The following CSMD1 variants were observed in gnomAD, a reference collection of about 807,000 sequenced individuals.
The protein encoded by CSMD1 is CUB and sushi domain-containing protein 1.
A neutral mutation model predicts 417.5 loss-of-function variants in CSMD1; 213 were observed. That is an observed-to-expected ratio of 0.51 (90% CI 0.46 to 0.57). The LOEUF (loss-of-function observed/expected upper bound fraction) is 0.57, where lower values mean the gene tolerates loss of function less well. Ranked by LOEUF, CSMD1 falls within the 20% of genes least tolerant of loss-of-function variation. The pLI, the probability that CSMD1 is intolerant of heterozygous loss-of-function variation, is 0.00. For missense variants in CSMD1, 6,923 were observed against 4,529.7 expected, an observed-to-expected ratio of 1.53 and a Z score of -15.17; for synonymous variants, 2,862 against 1,736.8, an observed-to-expected ratio of 1.65 and a Z score of -16.11.
chr8:3,676,413 C>T (rs947181416), intron 7 of CSMD1, among the ~76,000 whole-genome samples: 3 of 152,152 alleles, frequency 2.0e-5, no homozygotes, highest in African/African-American at 2.4e-5. Context: ...ATGCTGGACA[C>T]GCCACAGGCA....
chr8:3,934,562 T>C (rs1027785679), intron 5 of CSMD1, among the ~76,000 whole-genome samples: 1 of 152,064 alleles, frequency 6.6e-6, no homozygotes, highest in Non-Finnish European at 1.5e-5. Context: ...GGTTAAACAA[T>C]TGGTATATTT....
chr8:4,177,952 A>G (rs1385454698), intron 3 of CSMD1, among the ~76,000 whole-genome samples: 2 of 152,180 alleles, frequency 1.3e-5, no homozygotes, highest in African/African-American at 2.4e-5. Flanking sequence ...CTTATCAACC[A>G]AAAAGAGTCC....
At chr8:4,203,097 G>C (rs1007479299) in intron 3 of CSMD1, among the ~76,000 whole-genome samples, 3 of 152,216 alleles carry the variant, frequency 2.0e-5, no homozygotes, top group Non-Finnish European at 4.4e-5. Context: ...GCAGTTATCT[G>C]TGTGGGTTCC....
chr8:3,262,171 T>C (rs1001886007), intron 26 of CSMD1, among the ~76,000 whole-genome samples: 3 of 119,626 alleles, frequency 2.5e-5, no homozygotes, highest in African/African-American at 1.0e-4. Flanking sequence ...ATTTCTAAAA[T>C]TATGCTCATA....
intron 1 of CSMD1, among the ~76,000 whole-genome samples, chr8:4,796,372 T>C (rs1797983623): frequency 6.6e-6 from 1 of 151,870 alleles, no homozygotes; most frequent in South Asian, 2.1e-4. Context: ...CTTTATAAAG[T>C]TTATTCCTGA....
At chr8:4,579,466 C>G (rs1439369251) in intron 2 of CSMD1, among the ~76,000 whole-genome samples, 1 of 151,948 alleles carries the variant, frequency 6.6e-6, no homozygotes, top group Non-Finnish European at 1.5e-5. Context: ...TCAAGTAATT[C>G]TCCTGCCTCC....
At chr8:4,058,142 G>C (rs1019805771) in intron 3 of CSMD1, among the ~76,000 whole-genome samples, 6 of 152,076 alleles carry the variant, frequency 3.9e-5, no homozygotes, top group Non-Finnish European at 7.4e-5. Flanking sequence ...CCATTTTCAC[G>C]ATATTGACTC....
intron 3 of CSMD1, among the ~76,000 whole-genome samples, chr8:4,404,003 T>G (rs1183240081): frequency 1.3e-5 from 2 of 152,174 alleles, no homozygotes; most frequent in Non-Finnish European, 1.5e-5. Flanking sequence ...ACCAATCAAT[T>G]AGCAAACTCG....
At chr8:3,844,497 G>A (rs1803355249) in intron 5 of CSMD1, among the ~76,000 whole-genome samples, 1 of 152,150 alleles carries the variant, frequency 6.6e-6, no homozygotes, top group Non-Finnish European at 1.5e-5. Flanking sequence ...CTTTGGTAAT[G>A]TGACTAACCG....
chr8:4,020,584 C>A (rs776946232), intron 4 of CSMD1, among the ~76,000 whole-genome samples: 21 of 152,146 alleles, frequency 1.4e-4, no homozygotes, highest in Non-Finnish European at 2.4e-4. Flanking sequence ...AGAAAGGCCT[C>A]CAATTCTCTT....
chr8:3,022,326 A>ATCCCACAGCATCCGGAATGCACCCGCAT (rs1344620312), intron 51 of CSMD1, among the ~76,000 whole-genome samples: 1 of 139,530 alleles, frequency 7.2e-6, no homozygotes, highest in East Asian at 2.2e-4. Context: ...TGCACCCGCA[A>ATCCCACAGCATCCGGAATGCACCCGCAT]TCCCACAGCA....
chr8:3,884,101 T>G (rs1166506409), intron 5 of CSMD1, among the ~76,000 whole-genome samples: 1 of 152,164 alleles, frequency 6.6e-6, no homozygotes, highest in Non-Finnish European at 1.5e-5. Context: ...AACAGCGAAT[T>G]GAAAAGTAAT....
chr8:3,206,861 T>C (rs1006415305), intron 30 of CSMD1, among the ~76,000 whole-genome samples: 1 of 152,096 alleles, frequency 6.6e-6, no homozygotes, highest in Non-Finnish European at 1.5e-5. Flanking sequence ...TCCCAGCCAT[T>C]TGATATCCAG....
intron 11 of CSMD1, among the ~76,000 whole-genome samples, chr8:3,474,844 T>G (rs1159101628): frequency 6.6e-6 from 1 of 152,218 alleles, no homozygotes; most frequent in African/African-American, 2.4e-5. Context: ...CATATTGTTC[T>G]GATTTAAACT....
chr8:4,973,147 G>C (rs571763996), intron 1 of CSMD1, among the ~76,000 whole-genome samples: 2 of 152,090 alleles, frequency 1.3e-5, no homozygotes, highest in African/African-American at 2.4e-5. Flanking sequence ...CAAGAAATAT[G>C]CATTAATTAT....
intron 7 of CSMD1, among the ~76,000 whole-genome samples, chr8:3,621,203 C>A (rs775613333): frequency 6.6e-6 from 1 of 152,150 alleles, no homozygotes; most frequent in Non-Finnish European, 1.5e-5. Flanking sequence ...TTAAGCCACT[C>A]GGCGAGTAGC....
At chr8:4,047,783 T>C (rs923889700) in intron 3 of CSMD1, among the ~76,000 whole-genome samples, 3 of 152,016 alleles carry the variant, frequency 2.0e-5, no homozygotes, top group African/African-American at 7.2e-5. Flanking sequence ...AGGTAGAGAA[T>C]GCAATTTTAC....
chr8:3,382,383 ATTAG>A (rs1179272697), intron 18 of CSMD1, among the ~76,000 whole-genome samples: 74 of 145,136 alleles, frequency 5.1e-4, no homozygotes, highest in African/African-American at 1.8e-3. Flanking sequence ...AACTTTAGTA[ATTAG>A]TTATATATAT....
intron 1 of CSMD1, among the ~76,000 whole-genome samples, chr8:4,976,311 G>C (rs117486986): frequency 3.5e-3 from 527 of 152,288 alleles, no homozygotes; most frequent in Non-Finnish European, 6.0e-3. Context: ...AGCTACCTCA[G>C]AAGTTGCAGC....
Sources: gnomAD v4.1 joint callset for allele counts (sites outside exome capture counted in the v4.1 genomes callset) on GRCh38, gnomAD v4.1.1 for gene constraint, MANE v1.5 for transcripts, NCBI Gene and HGNC (gene_info 2026-07-23, HGNC 2026-07-21) for gene names.